OR5AU1: variants seen among roughly 807,000 people sequenced by gnomAD.
OR5AU1 encodes the protein olfactory receptor family 5 subfamily AU member 1.
For synonymous variants in OR5AU1, 169 were observed against 152.0 expected, an observed-to-expected ratio of 1.11 and a Z score of -0.82; for missense variants, 415 against 374.2, an observed-to-expected ratio of 1.11 and a Z score of -0.90.
At position 21,155,068 on chromosome 14, in the gene OR5AU1, T is replaced by C; in HGVS notation, c.805A>G (p.Thr269Ala). 5.6e-6 allele frequency: 9 copies of C among 1,613,010 alleles called. No individual in the cohort carries two copies. Among genetic ancestry groups the C allele is most frequent in the Non-Finnish European group, 7.6e-6 (9 of 1,179,584 alleles). The change falls in exon 1 of 1, where the codon ACC becomes GCC. Residue 269 changes from threonine to alanine, a missense_variant. Physicochemically the swap from Thr to Ala is moderately conservative, Grantham distance 58 (BLOSUM62 0). Transcript: ENST00000304418. ...YLRPRSSYSL[T>A]QDRTVAVIYT... is the part of the protein sequence containing the mutation. ...ATGACAGCAACTGTGCGGTCCTGGG[T>C]CAAGGAGTAGCTGGACCTGGGGCGC... is the stretch of plus-strand genomic sequence containing the variant.
chr14:21,155,212 T>C lies in OR5AU1; in HGVS notation c.661A>G (p.Ile221Val). 1 of 1,613,936 alleles carries C rather than the reference T, an allele frequency of 6.2e-7. No homozygotes were observed. Among genetic ancestry groups the C allele is most frequent in the Non-Finnish European group, 8.5e-7 (1 of 1,179,974 alleles). ...TLTILISYFL[I>V]LNTILKMSSA... ...CTCATTTTCAGGATGGTGTTGAGAA[T>C]TAAGAAGTAGGAGATCAAGATGGTG... is the stretch of plus-strand genomic sequence containing the variant. Residue 221 changes from isoleucine (I) to valine (V), a missense_variant, in exon 1 of 1, where the codon ATT (isoleucine) becomes GTT (valine). Coordinates refer to ENST00000304418, the MANE Select transcript of OR5AU1 (RefSeq NM_001004731.3).
At position 21,156,054 on chromosome 14, in the gene OR5AU1, G is replaced by GGTTA; in HGVS notation, c.-186_-183dup. ...GAGGATCTTTTCTCCTTGGTTGGTT[G>GGTTA]GTTAGTTGGTAAGCATTACTTAAGC... On this transcript the variant is annotated 5_prime_UTR_variant, in exon 1 of 1. Coordinates refer to ENST00000304418, the MANE Select transcript of OR5AU1 (RefSeq NM_001004731.3). The GGTTA allele has an allele frequency of 6.3e-7, 1 of 1,585,596 alleles. No homozygotes were observed. Among genetic ancestry groups the GGTTA allele is most frequent in the Non-Finnish European group, 8.6e-7 (1 of 1,163,072 alleles).
In OR5AU1 at chr14:21,155,877, C is replaced by T. The variant is rs139973247; in HGVS notation, c.-5G>A. The T allele has an allele frequency of 3.7e-6, 6 of 1,614,176 alleles. No homozygotes were observed. The highest frequency in any genetic ancestry group is 5.1e-6 in the Non-Finnish European group (6 of 1,180,028). The stretch of plus-strand genomic sequence containing the variant: ...GCTCAGGTTTGCCCCTTTCATCCTT[C>T]TCCAGTGCTCTGCGATGGAGAAAGA... On this transcript the variant is annotated 5_prime_UTR_variant, in exon 1 of 1. Coordinates refer to ENST00000304418, the MANE Select transcript of OR5AU1 (RefSeq NM_001004731.3).
Position 21,154,887 on chromosome 14 carries a change from G to C in OR5AU1, c.*50C>G, listed in dbSNP as rs1473215560. On this transcript the variant is annotated 3_prime_UTR_variant, in exon 1 of 1. Transcript: ENST00000304418. ...ATGTGCTCAGGGTGACACCACCTAA[G>C]GTAAAAGTTCCCTTGACTTTCTAAA... The C allele has an allele frequency of 1.3e-6, 2 of 1,553,340 alleles. No individual in the cohort carries two copies. The highest frequency in any genetic ancestry group is 2.7e-5 in the African/African-American group (2 of 73,552).
In OR5AU1 at chr14:21,155,248, T is replaced by C; in HGVS notation, c.625A>G (p.Ser209Gly). The change falls in exon 1 of 1, where the codon AGC becomes GGC. Residue 209 changes from serine to glycine, a missense_variant. Transcript: ENST00000304418. ...GAGATCAAGATGGTGAGGGTGCAGC[T>C]CAAAAGGTTGAAACCAGCAAAAATG... ...LFIFAGFNLL[S>G]CTLTILISYF... The C allele has an allele frequency of 6.2e-7, 1 of 1,613,954 alleles. No individual in the cohort carries two copies. Among genetic ancestry groups the C allele is most frequent in the Middle Eastern group, 1.6e-4 (1 of 6,062 alleles).
Position 21,155,630 on chromosome 14 carries a change from G to T in OR5AU1, c.243C>A (p.Thr81=), listed in dbSNP as rs766395003. The change falls in exon 1 of 1, where the codon ACC becomes ACA. Residue 81 remains threonine, a synonymous_variant. Transcript: ENST00000304418. ...TCCTCTTGGCCAAGAAGTTCACCAG[G>T]GTCTGGGGCACAACCGTGGAGGAGT... The part of the protein sequence containing the change: ...FCYSSTVVPQ[T]LVNFLAKRKV... 1 of 1,614,160 alleles carries T rather than the reference G, an allele frequency of 6.2e-7. No individual in the cohort carries two copies. The highest frequency in any genetic ancestry group is 2.2e-5 in the East Asian group (1 of 44,886).
Position 21,155,156 on chromosome 14 carries a change from G to A in OR5AU1, c.717C>T (p.Ser239=). ...SSAQGRFKAF[S]TCASHLTAIC... is the part of the protein sequence containing the mutation. ...TGGCAGTGAGGTGGGATGCACAGGT[G>A]GAAAATGCCTTAAACCTGCCCTGGG... The change falls in exon 1 of 1, where the codon TCC becomes TCT. Residue 239 remains serine (S), a synonymous_variant. Coordinates refer to ENST00000304418, the MANE Select transcript of OR5AU1 (RefSeq NM_001004731.3). 1 of 1,613,960 alleles carries A rather than the reference G, an allele frequency of 6.2e-7. No individual in the cohort carries two copies. Among genetic ancestry groups the A allele is most frequent in the Non-Finnish European group, 8.5e-7 (1 of 1,179,960 alleles).
rs1890566093 is a variant in OR5AU1 at position 21,155,679 on chromosome 14, C to T, written c.194G>A (p.Ser65Asn). 6.2e-7 allele frequency: 1 copy of T among 1,613,976 alleles called. No individual in the cohort carries two copies. Among genetic ancestry groups the T allele is most frequent in the African/African-American group, 1.3e-5 (1 of 74,896 alleles). Residue 65 changes from serine to asparagine, a missense_variant, in exon 1 of 1, where the codon AGC becomes AAC. Coordinates refer to ENST00000304418, the MANE Select transcript of OR5AU1 (RefSeq NM_001004731.3). ...GTAGCAGAAATCCAAGAAGGAGAGG[C>T]TCTTCAGGAGGGAGTACATGGGTGT... ...LHTPMYSLLK[S>N]LSFLDFCYSS...
rs200529030 is a variant in OR5AU1 at position 21,155,471 on chromosome 14, G to T, written c.402C>A (p.Thr134=). The T allele has an allele frequency of 1.1e-5, 18 of 1,614,164 alleles. No individual in the cohort carries two copies. In the African/African-American group the frequency reaches 2.4e-4, roughly 22 times the overall value. The change falls in exon 1 of 1, where the codon ACC becomes ACA. Residue 134 remains threonine (T), a synonymous_variant. Transcript: ENST00000304418. ...AAICNPLLYS[T]IMSPEVCASL... ...AGGCACAGACCTCAGGAGACATGAT[G>T]GTTGAGTAGAGCAGGGGGTTACAAA...
Position 21,155,361 on chromosome 14 carries a change from G to A in OR5AU1, c.512C>T (p.Ala171Val), listed in dbSNP as rs2139391034. 1.2e-6 allele frequency: 2 copies of A among 1,613,932 alleles called. No individual in the cohort carries two copies. The highest frequency in any genetic ancestry group is 4.5e-5 in the East Asian group (2 of 44,870). ...ACAGAAGAAGTGAGTGACGACATGA[G>A]CACCGCAGAATTTCAGACTAAAGAT... is the stretch of plus-strand genomic sequence containing the variant. Reference protein sequence around the residue: ...GCIFSLKFCGAHVVTHFFCDG... With the variant: ...GCIFSLKFCGVHVVTHFFCDG... The change falls in exon 1 of 1, where the codon GCT (alanine) becomes GTT (valine). Residue 171 changes from alanine (A) to valine (V), a missense_variant. Ala to Val is a moderately conservative substitution (Grantham distance 64). Coordinates refer to ENST00000304418, the MANE Select transcript of OR5AU1 (RefSeq NM_001004731.3).
chr14:21,154,900 T>C lies in OR5AU1; in HGVS notation c.*37A>G. The C allele has an allele frequency of 6.4e-7, 1 of 1,573,016 alleles. No homozygotes were observed. The highest frequency in any genetic ancestry group is 8.7e-7 in the Non-Finnish European group (1 of 1,155,370). On this transcript the variant is annotated 3_prime_UTR_variant, in exon 1 of 1. Coordinates refer to ENST00000304418, the MANE Select transcript of OR5AU1 (RefSeq NM_001004731.3). ...GACACCACCTAAGGTAAAAGTTCCC[T>C]TGACTTTCTAAAGATATGTGGTAAT...
chr14:21,155,856 A>G lies in OR5AU1; in HGVS notation c.17T>C (p.Leu6Pro), dbSNP rs376556611. The G allele has an allele frequency of 1.1e-5, 17 of 1,614,086 alleles. No homozygotes were observed. The highest frequency in any genetic ancestry group is 4.5e-5 in the East Asian group (2 of 44,896). The change falls in exon 1 of 1, where the codon CTG (leucine) becomes CCG (proline). Residue 6 changes from leucine to proline, a missense_variant. Leu to Pro is a moderately conservative substitution (Grantham distance 98). Transcript: ENST00000304418. MKGAN[L>P]SQGMEFELLG... is the part of the protein sequence containing the mutation. ...GAGCTCAAACTCCATCCCTTGGCTC[A>G]GGTTTGCCCCTTTCATCCTTCTCCA...
chr14:21,155,183 C>G lies in OR5AU1; in HGVS notation c.690G>C (p.Ser230=). The G allele has an allele frequency of 6.2e-7, 1 of 1,613,984 alleles. No individual in the cohort carries two copies. Among genetic ancestry groups the G allele is most frequent in the Non-Finnish European group, 8.5e-7 (1 of 1,179,978 alleles). ...AAAATGCCTTAAACCTGCCCTGGGCCGAGCTCATTTTCAGGATGGTGTTGA... is the reference window on the plus strand; with the variant it reads ...AAAATGCCTTAAACCTGCCCTGGGCGGAGCTCATTTTCAGGATGGTGTTGA... ...LILNTILKMS[S]AQGRFKAFST... is the part of the protein sequence containing the mutation. The change falls in exon 1 of 1, where the codon TCG becomes TCC. Residue 230 remains serine, a synonymous_variant. Transcript: ENST00000304418.
In OR5AU1 at chr14:21,155,501, G is replaced by A. The variant is rs199976094; in HGVS notation, c.372C>T (p.Ala124=). The change falls in exon 1 of 1, where the codon GCC becomes GCT. Residue 124 remains alanine (A), a synonymous_variant. Coordinates refer to ENST00000304418, the MANE Select transcript of OR5AU1 (RefSeq NM_001004731.3). ...LIAAMAYDRY[A]AICNPLLYST... is the part of the protein sequence containing the mutation. ...AGTAGAGCAGGGGGTTACAAATAGCGGCATAGCGGTCATAGGCCATGGCAG... is the reference window on the plus strand; with the variant it reads ...AGTAGAGCAGGGGGTTACAAATAGCAGCATAGCGGTCATAGGCCATGGCAG... 4.6e-5 allele frequency: 75 copies of A among 1,614,126 alleles called. No individual in the cohort carries two copies. The highest frequency in any genetic ancestry group is 3.8e-4 in the East Asian group (17 of 44,884).
At position 21,154,906 on chromosome 14, in the gene OR5AU1, T is replaced by G. The variant is rs756574654; in HGVS notation, c.*31A>C. On this transcript the variant is annotated 3_prime_UTR_variant, in exon 1 of 1. Coordinates refer to ENST00000304418, the MANE Select transcript of OR5AU1 (RefSeq NM_001004731.3). ...ACCTAAGGTAAAAGTTCCCTTGACTTTCTAAAGATATGTGGTAATGCATTG... is the reference window on the plus strand; with the variant it reads ...ACCTAAGGTAAAAGTTCCCTTGACTGTCTAAAGATATGTGGTAATGCATTG... The G allele has an allele frequency of 1.3e-6, 2 of 1,579,368 alleles. No homozygotes were observed. The highest frequency in any genetic ancestry group is 2.3e-5 in the South Asian group (2 of 87,016).
chr14:21,155,073 G>C lies in OR5AU1; in HGVS notation c.800C>G (p.Ser267Cys), dbSNP rs1890546465. 6.2e-7 allele frequency: 1 copy of C among 1,614,194 alleles called. No individual in the cohort carries two copies. ...AGCAACTGTGCGGTCCTGGGTCAAG[G>C]AGTAGCTGGACCTGGGGCGCAGGTA... Reference protein sequence around the residue: ...FMYLRPRSSYSLTQDRTVAVI... With the variant: ...FMYLRPRSSYCLTQDRTVAVI... The change falls in exon 1 of 1, where the codon TCC (serine) becomes TGC (cysteine). Residue 267 changes from serine to cysteine, a missense_variant. Transcript: ENST00000304418.
rs561925395 is a variant in OR5AU1 at position 21,154,992 on chromosome 14, T to A, written c.881A>T (p.Asn294Ile). 1.2e-4 allele frequency: 189 copies of A among 1,613,526 alleles called. 1 individual carries two copies. The East Asian group carries it at 4.2e-3, about 36-fold the overall frequency. The stretch of plus-strand genomic sequence containing the variant: ...TATTAAAGCTTTCTTCACATCCTTG[T>A]TTCTCAAAGAGTACATGAGGGGGTT... Reference protein sequence around the residue: ...VLNPLMYSLRNKDVKKALIKV... With the variant: ...VLNPLMYSLRIKDVKKALIKV... Residue 294 changes from asparagine (N) to isoleucine (I), a missense_variant, in exon 1 of 1, where the codon AAC becomes ATC. By Grantham distance (149) the Asn-to-Ile change is moderately radical (BLOSUM62 -3). Coordinates refer to ENST00000304418, the MANE Select transcript of OR5AU1 (RefSeq NM_001004731.3).
Position 21,156,051 on chromosome 14 carries a change from G to T in OR5AU1, c.-179C>A, listed in dbSNP as rs775214058. On this transcript the variant is annotated 5_prime_UTR_variant, in exon 1 of 1. Transcript: ENST00000304418. The stretch of plus-strand genomic sequence containing the variant: ...AGAGAGGATCTTTTCTCCTTGGTTG[G>T]TTGGTTAGTTGGTAAGCATTACTTA... 7 of 1,587,158 alleles carry T rather than the reference G, an allele frequency of 4.4e-6. No individual in the cohort carries two copies. Among genetic ancestry groups the T allele is most frequent in the South Asian group, 3.4e-5 (3 of 88,602 alleles).
At position 21,155,744 on chromosome 14, in the gene OR5AU1, C is replaced by G; in HGVS notation, c.129G>C (p.Leu43=). ...TCACATGGATCAGGAGGAACATGAC[C>G]AGGTTCCCCAGCAGAGTGGCTGTGT... ...GMYTATLLGN[L]VMFLLIHVSA... Residue 43 remains leucine, a synonymous_variant, in exon 1 of 1, where the codon CTG becomes CTC. Coordinates refer to ENST00000304418, the MANE Select transcript of OR5AU1 (RefSeq NM_001004731.3). 3.1e-6 allele frequency: 5 copies of G among 1,614,062 alleles called. No homozygotes were observed. The highest frequency in any genetic ancestry group is 4.2e-6 in the Non-Finnish European group (5 of 1,179,970).
Sources: gnomAD v4.1 joint callset for allele counts on GRCh38, gnomAD v4.1.1 for gene constraint, MANE v1.5 for transcripts, NCBI Gene and HGNC (gene_info 2026-07-23, HGNC 2026-07-21) for gene names.